LARP1: variants seen among roughly 807,000 people sequenced by gnomAD.
LARP1 encodes la-related protein 1.
A neutral mutation model predicts 122.7 loss-of-function variants in LARP1; 36 were observed. That is an observed-to-expected ratio of 0.29 (90% CI 0.22 to 0.39). The LOEUF is 0.39. Among genes scored for constraint, LARP1 ranks in the 10% least tolerant of loss-of-function variants. The pLI is 1.00. For synonymous variants in LARP1, 539 were observed against 528.7 expected (o/e 1.02, Z -0.27); for missense variants, 1,040 against 1,403.6 (o/e 0.74, Z 4.14).
rs1758533213 is a variant in LARP1, at chr5:154,803,764, G to A, written c.2439+19G>A. 1 of 1,609,886 alleles carries A rather than the reference G, an allele frequency of 6.2e-7. No homozygotes were observed. Reference sequence around the variant, plus strand: ...TGCCAAGGTGAGGCATTCCTGTCGGGCTGCTCAGAGTCTTGGGTCTACTTC... The same window carrying A: ...TGCCAAGGTGAGGCATTCCTGTCGGACTGCTCAGAGTCTTGGGTCTACTTC... On this transcript the variant is annotated intron_variant, in intron 13 of 18. Transcript: ENST00000518297. This position sits in a 1 kb window ranked among gnomAD's most constrained non-coding sequence, Gnocchi z 4.4.
intron 1 of LARP1, among the ~76,000 whole-genome samples, chr5:154,757,972 T>C (rs1015070408): frequency 4.7e-4 from 71 of 149,986 alleles, no homozygotes; most frequent in African/African-American, 1.7e-3. Context: ...CTCCGTTTTC[T>C]TTCAGTCCCT....
At position 154,814,034 on chromosome 5, in the gene LARP1, C is replaced by T. The variant is rs1759498928; in HGVS notation, c.3229C>T (p.Pro1077Ser). Residue 1077 changes from proline (P) to serine (S), a missense_variant, in exon 19 of 19, where the codon CCT becomes TCT. Physicochemically the swap from Pro to Ser is moderately conservative, Grantham distance 74 (BLOSUM62 -1). Around this residue, in one of 8 missense-constraint regions of LARP1, gnomAD observed 129 missense variants for 160.8 expected, o/e 0.80. Coordinates refer to ENST00000518297, the MANE Select transcript of LARP1 (RefSeq NM_033551.3). ...SQPPTPPTGQ[P>S]VREDAKWTSQ... ...ACCCCCTACACCACCCACCGGCCAG[C>T]CTGTCCGGGAAGATGCCAAATGGAC... The T allele has an allele frequency of 6.2e-7, 1 of 1,614,066 alleles. No individual in the cohort carries two copies. The highest frequency in any genetic ancestry group is 1.3e-5 in the African/African-American group (1 of 74,920).
chr5:154,778,089 G>A (rs888007042), intron 1 of LARP1, among the ~76,000 whole-genome samples: 15 of 151,756 alleles, frequency 9.9e-5, no homozygotes, highest in Non-Finnish European at 1.6e-4. Context: ...GTGAAACCCC[G>A]TCTCTATTAA....
At chr5:154,758,512 T>C (rs1754186211) in intron 1 of LARP1, among the ~76,000 whole-genome samples, 1 of 152,226 alleles carries the variant, frequency 6.6e-6, no homozygotes, top group African/African-American at 2.4e-5. Flanking sequence ...TATGATTGGG[T>C]TGTCAGTCTG....
At position 154,741,510 on chromosome 5, in the gene LARP1, A is replaced by C. The variant is rs568293087; in HGVS notation, c.205+28380A>C. Reference sequence around the variant, plus strand: ...ATGGAGTATTTCAACCAGGCTGATCAAGGGTGGTCCCTCTGAGAAGGGGCC... The same window carrying C: ...ATGGAGTATTTCAACCAGGCTGATCCAGGGTGGTCCCTCTGAGAAGGGGCC... On this transcript the variant is annotated intron_variant, in intron 1 of 18. Transcript: ENST00000336314. Among the ~76,000 whole-genome samples, 7 of 152,278 alleles carry C rather than the reference A, an allele frequency of 4.6e-5. No homozygotes were observed. The East Asian group carries it at 1.4e-3, about 29-fold the overall frequency.
intron 1 of LARP1, among the ~76,000 whole-genome samples, chr5:154,700,823 G>A (rs1754678204): frequency 6.6e-6 from 1 of 151,978 alleles, no homozygotes; most frequent in African/African-American, 2.4e-5. Context: ...CGGGGGTGGT[G>A]GCACGTGCCT....
Position 154,803,753 on chromosome 5 carries a change from A to C in LARP1, c.2439+8A>C. ...CGGACACTGGATGCCAAGGTGAGGCATTCCTGTCGGGCTGCTCAGAGTCTT... is the reference window on the plus strand; with the variant it reads ...CGGACACTGGATGCCAAGGTGAGGCCTTCCTGTCGGGCTGCTCAGAGTCTT... On this transcript the variant is annotated splice_region_variant and intron_variant, in intron 13 of 18. Transcript: ENST00000518297. The surrounding 1 kb of genome is among the most constrained non-coding windows in gnomAD (Gnocchi z 4.4). 1 of 1,613,614 alleles carries C rather than the reference A, an allele frequency of 6.2e-7. No homozygotes were observed. Among genetic ancestry groups the C allele is most frequent in the Non-Finnish European group, 8.5e-7 (1 of 1,179,486 alleles).
At chr5:154,725,518 C>G (rs1052997021) in intron 1 of LARP1, among the ~76,000 whole-genome samples, 2 of 151,538 alleles carry the variant, frequency 1.3e-5, no homozygotes, top group African/African-American at 4.9e-5. Flanking sequence ...CCACTGCACT[C>G]TAGCCTGGGT....
chr5:154,808,612 G>A lies in LARP1; in HGVS notation c.2843+9G>A. 6.2e-7 allele frequency: 1 copy of A among 1,610,384 alleles called. No homozygotes were observed. Among genetic ancestry groups the A allele is most frequent in the Middle Eastern group, 1.8e-4 (1 of 5,586 alleles). On this transcript the variant is annotated intron_variant, in intron 16 of 18. Transcript: ENST00000518297. ...GCCAAAGAAGGCTACAGGTGAGCAG[G>A]TTTGGGTGGGGGACTTTGGCTGGTG...
At chr5:154,759,087 T>C (rs1233608681) in intron 1 of LARP1, among the ~76,000 whole-genome samples, 1 of 152,248 alleles carries the variant, frequency 6.6e-6, no homozygotes, top group Non-Finnish European at 1.5e-5. Flanking sequence ...CAAATGCCAC[T>C]GTACCACTTG....
In LARP1 at chr5:154,803,055, G is replaced by A. The variant is rs1361453222; in HGVS notation, c.2110-235G>A. Among the ~76,000 whole-genome samples, 1 of 152,214 alleles carries A rather than the reference G, an allele frequency of 6.6e-6. No individual in the cohort carries two copies. Among genetic ancestry groups the A allele is most frequent in the Non-Finnish European group, 1.5e-5 (1 of 68,038 alleles). On this transcript the variant is annotated intron_variant, in intron 11 of 18. Transcript: ENST00000518297. The surrounding 1 kb of genome is among the most constrained non-coding windows in gnomAD (Gnocchi z 4.4). Reference sequence around the variant, plus strand: ...AGGAGCTACTGTCAGCCTGATCTCAGTCTTACTACAGGGAGGGCAGGGCAA... The same window carrying A: ...AGGAGCTACTGTCAGCCTGATCTCAATCTTACTACAGGGAGGGCAGGGCAA...
In LARP1 at chr5:154,811,510, C is replaced by T. The variant is rs763263139; in HGVS notation, c.2954-3C>T. On this transcript the variant is annotated splice_region_variant and splice_polypyrimidine_tract_variant and intron_variant, in intron 17 of 18. Coordinates refer to ENST00000518297, the MANE Select transcript of LARP1 (RefSeq NM_033551.3). ...CTCAGCTTTTCTGTACCTCTCCCTA[C>T]AGGCCAACTGTATGGGCTGGAGAAG... 1.2e-6 allele frequency: 2 copies of T among 1,614,256 alleles called. No individual in the cohort carries two copies. The highest frequency in any genetic ancestry group is 1.7e-6 in the Non-Finnish European group (2 of 1,180,046).
chr5:154,755,343 G>T (rs956713984), upstream of LARP1, among the ~76,000 whole-genome samples: 2 of 150,116 alleles, frequency 1.3e-5, no homozygotes, highest in Non-Finnish European at 3.0e-5. Flanking sequence ...CGGATCGCGT[G>T]GTCTGCTTGG....
At chr5:154,810,748 A>G (rs1272479272) in intron 16 of LARP1, among the ~76,000 whole-genome samples, 2 of 152,098 alleles carry the variant, frequency 1.3e-5, no homozygotes, top group African/African-American at 4.8e-5. Context: ...TGGCCTCCCA[A>G]AGTGCTTGCA....
At chr5:154,745,945 G>A (rs1375916532) in intron 1 of LARP1, among the ~76,000 whole-genome samples, 6 of 152,102 alleles carry the variant, frequency 3.9e-5, no homozygotes, top group African/African-American at 7.2e-5. Flanking sequence ...ACAGGTACGC[G>A]CCACCACGCC....
At chr5:154,781,743 A>G (rs909910366) in intron 1 of LARP1, among the ~76,000 whole-genome samples, 2 of 152,106 alleles carry the variant, frequency 1.3e-5, no homozygotes, top group Non-Finnish European at 2.9e-5. Context: ...AAACATTGAG[A>G]TTTTCTTGCA....
chr5:154,796,086 ATATATATTT>A (rs1463990672), intron 8 of LARP1, among the ~76,000 whole-genome samples: 1 of 118,686 alleles, frequency 8.4e-6, no homozygotes, highest in African/African-American at 3.4e-5. Flanking sequence ...TATATATTAT[ATATATATTT>A]TATATATTTA....
chr5:154,784,428 C>G (rs1332813708), intron 1 of LARP1, among the ~76,000 whole-genome samples: 2 of 152,200 alleles, frequency 1.3e-5, no homozygotes, highest in Non-Finnish European at 1.5e-5. Flanking sequence ...TGTAATACAG[C>G]CCCTAAACCC....
chr5:154,797,891 C>G (rs1011717690), intron 8 of LARP1, among the ~76,000 whole-genome samples: 3 of 152,048 alleles, frequency 2.0e-5, no homozygotes, highest in Non-Finnish European at 4.4e-5. Flanking sequence ...TGCAGTGTTG[C>G]CCAGGCTGGT....
Sources: allele counts gnomAD v4.1 joint callset (sites outside exome capture counted in the v4.1 genomes callset), GRCh38; gene constraint gnomAD v4.1.1; regional missense constraint gnomAD v4.1.1; non-coding constraint Gnocchi (gnomAD v3.1); transcripts MANE v1.5; gene names NCBI Gene and HGNC (gene_info 2026-07-23, HGNC 2026-07-21).